Variants in ABTB2 observed in about 807,000 individuals in gnomAD.
ABTB2 encodes the protein ankyrin repeat and BTB/POZ domain-containing protein 2.
Under a neutral mutation model 104.1 loss-of-function variants are expected in ABTB2, and 56 were observed. The ratio of observed to expected loss-of-function variants is 0.54; its 90% confidence interval spans 0.43 to 0.67. The LOEUF is 0.67. Among genes scored for constraint, ABTB2 ranks in the 30% least tolerant of loss-of-function variants. ABTB2 has a pLI of 0.00. For synonymous variants in ABTB2, 606 were observed against 608.2 expected, an observed-to-expected ratio of 1.00 and a Z score of 0.05; for missense variants, 1,279 against 1,407.7, an observed-to-expected ratio of 0.91 and a Z score of 1.46.
chr11:34,167,326 T>C lies in ABTB2; in HGVS notation c.1688A>G (p.His563Arg). The change falls in exon 7 of 17, where the codon CAC (histidine) becomes CGC (arginine). Residue 563 changes from histidine (H) to arginine (R), a missense_variant. Physicochemically the swap from His to Arg is conservative, Grantham distance 29 (BLOSUM62 0). Coordinates refer to ENST00000435224, the MANE Select transcript of ABTB2 (RefSeq NM_145804.3). ...TGAGGTCCAGTGCCGGCTGTCGGGG[T>C]GGATGGAAGGGTGCCTGGGGGAGTT... is the stretch of plus-strand genomic sequence containing the variant. Reference protein sequence around the residue: ...PSNSPRHPSIHPDSRHWTSLT... With the variant: ...PSNSPRHPSIRPDSRHWTSLT... 6.2e-7 allele frequency: 1 copy of C among 1,611,854 alleles called. No homozygotes were observed. Among genetic ancestry groups the C allele is most frequent in the Non-Finnish European group, 8.5e-7 (1 of 1,179,202 alleles).
chr11:34,287,636 A>C (rs1361647344), intron 1 of ABTB2, among the ~76,000 whole-genome samples: 1 of 152,216 alleles, frequency 6.6e-6, no homozygotes, highest in Non-Finnish European at 1.5e-5. Flanking sequence ...CTACTTCTTC[A>C]GAAATCTTCC....
At chr11:34,291,258 T>G (rs573217835) in intron 1 of ABTB2, among the ~76,000 whole-genome samples, 2 of 152,224 alleles carry the variant, frequency 1.3e-5, no homozygotes, top group Non-Finnish European at 2.9e-5. Context: ...TTTGATGTCT[T>G]CATCCCAAGT....
At chr11:34,231,258 G>C (rs1427840150) in intron 1 of ABTB2, among the ~76,000 whole-genome samples, 2 of 152,126 alleles carry the variant, frequency 1.3e-5, no homozygotes, top group Admixed American at 1.3e-4. Context: ...ATGACCCAAA[G>C]TATAAAATAA....
chr11:34,296,468 A>G (rs895593697), intron 1 of ABTB2, among the ~76,000 whole-genome samples: 2 of 152,232 alleles, frequency 1.3e-5, no homozygotes, highest in South Asian at 4.1e-4. Context: ...TGATGCAGTT[A>G]CTGGTCATAA....
At chr11:34,272,667 A>T (rs888417446) in intron 1 of ABTB2, among the ~76,000 whole-genome samples, 1 of 141,192 alleles carries the variant, frequency 7.1e-6, no homozygotes, top group Non-Finnish European at 1.5e-5. Flanking sequence ...AGACCACACC[A>T]CTGCACTCCA....
Position 34,154,307 on chromosome 11 carries a change from G to T in ABTB2, c.2838C>A (p.Thr946=). 6.2e-7 allele frequency: 1 copy of T among 1,614,090 alleles called. No homozygotes were observed. Among genetic ancestry groups the T allele is most frequent in the Non-Finnish European group, 8.5e-7 (1 of 1,180,006 alleles). Reference sequence around the variant, plus strand: ...TGTTCACGGCACTCTCCATGCTGAGGGTCTGGGAGCACAGGATCTCGCAGT... The same window carrying T: ...TGTTCACGGCACTCTCCATGCTGAGTGTCTGGGAGCACAGGATCTCGCAGT... The part of the protein sequence containing the change: ...QRHCEILCSQ[T]LSMESAVNTY... Residue 946 remains threonine (T), a synonymous_variant, in exon 16 of 17, where the codon ACC becomes ACA. Coordinates refer to ENST00000435224, the MANE Select transcript of ABTB2 (RefSeq NM_145804.3). The surrounding 1 kb of genome is among the most constrained non-coding windows in gnomAD (Gnocchi z 4.9).
In ABTB2 at chr11:34,291,170, C is replaced by A. The variant is rs563894134; in HGVS notation, c.883+65531G>T. On this transcript the variant is annotated intron_variant, in intron 1 of 16. Transcript: ENST00000435224. ...CCACAGCAATCCCCAAGGAAACTGGCTAAGTATTCATAACAGCCTGATAAC... is the reference window on the plus strand; with the variant it reads ...CCACAGCAATCCCCAAGGAAACTGGATAAGTATTCATAACAGCCTGATAAC... 5.9e-5 allele frequency among the ~76,000 whole-genome samples: 9 copies of A among 152,332 alleles called. No homozygotes were observed. In the East Asian group the frequency reaches 1.4e-3, roughly 23 times the overall value.
At position 34,357,398 on chromosome 11, in the gene ABTB2, G is replaced by A; in HGVS notation, c.186C>T (p.Asn62=). ...CCGTGTCCCAGCTGTTGTGGCGGCT[G>A]TTCATGGAGCCGGAGTAGCACCACC... ...AAWWCYSGSM[N]SRHNSWDTVN... The change falls in exon 1 of 17, where the codon AAC becomes AAT. Residue 62 remains asparagine (N), a synonymous_variant. Coordinates refer to ENST00000435224, the MANE Select transcript of ABTB2 (RefSeq NM_145804.3). 1.4e-5 allele frequency: 22 copies of A among 1,546,392 alleles called. No individual in the cohort carries two copies. Among genetic ancestry groups the A allele is most frequent in the Non-Finnish European group, 1.8e-5 (21 of 1,144,338 alleles).
intron 1 of ABTB2, among the ~76,000 whole-genome samples, chr11:34,220,779 A>G (rs977248856): frequency 1.2e-4 from 18 of 152,216 alleles, no homozygotes; most frequent in African/African-American, 4.1e-4. Context: ...TAGGGCTGCC[A>G]TAACAAAATA....
At chr11:34,208,970 A>G (rs289985) in intron 1 of ABTB2, among the ~76,000 whole-genome samples, 128,832 of 152,014 alleles carry the variant, frequency 0.85, 54,684 homozygotes, top group East Asian at 1. Flanking sequence ...ACCTTGCTCC[A>G]GCTTTGTACT....
At chr11:34,266,290 G>A (rs1431617067) in intron 1 of ABTB2, among the ~76,000 whole-genome samples, 1 of 151,994 alleles carries the variant, frequency 6.6e-6, no homozygotes, top group Non-Finnish European at 1.5e-5. Flanking sequence ...TCACTATATT[G>A]CCCAGTCTGG....
chr11:34,151,477 A>G lies in ABTB2; in HGVS notation c.*910T>C, dbSNP rs1407323214. On this transcript the variant is annotated 3_prime_UTR_variant, in exon 17 of 17. Transcript: ENST00000435224. Reference sequence around the variant, plus strand: ...ACCTGTTTGCCCAGCTCTCAATCCTACATTAAAGGAGCCGAGAGACTTGAC... The same window carrying G: ...ACCTGTTTGCCCAGCTCTCAATCCTGCATTAAAGGAGCCGAGAGACTTGAC... 2 of 152,172 alleles carry G rather than the reference A, an allele frequency of 1.3e-5. No homozygotes were observed. Among genetic ancestry groups the G allele is most frequent in the East Asian group, 3.9e-4 (2 of 5,192 alleles). The allele number at this position is 152,172 out of a possible 1,614,324, so 9.4% of individuals were successfully genotyped here.
chr11:34,315,660 G>A (rs1194998217), intron 1 of ABTB2, among the ~76,000 whole-genome samples: 2 of 152,210 alleles, frequency 1.3e-5, no homozygotes, highest in Non-Finnish European at 2.9e-5. Flanking sequence ...ACATGGGCAG[G>A]GAGAGAAGGG....
chr11:34,248,859 G>A (rs1031456848), intron 1 of ABTB2, among the ~76,000 whole-genome samples: 2 of 152,226 alleles, frequency 1.3e-5, no homozygotes, highest in African/African-American at 4.8e-5. Flanking sequence ...AGCCGGGCGC[G>A]GTGGCTCACG....
intron 1 of ABTB2, among the ~76,000 whole-genome samples, chr11:34,216,875 G>A (rs1269641322): frequency 3.3e-5 from 5 of 152,210 alleles, no homozygotes; most frequent in African/African-American, 1.2e-4. Context: ...AACAGGTCCC[G>A]GGCAGAAGCA....
At chr11:34,161,108 G>A in intron 10 of ABTB2, 27 bp from the exon 11 acceptor site, 1 of 1,582,918 alleles carries the variant, frequency 6.3e-7, no homozygotes, top group Non-Finnish European at 8.6e-7. Context: ...AGGGCAGGCA[G>A]TCACGCACCA....
At chr11:34,194,840 A>G (rs1228320185) in intron 3 of ABTB2, among the ~76,000 whole-genome samples, 2 of 150,938 alleles carry the variant, frequency 1.3e-5, no homozygotes, top group South Asian at 4.2e-4. Flanking sequence ...ATTTGAAATG[A>G]TTCATGGAAA....
At chr11:34,172,418 A>ATATATATATATATATATATG (rs55819950) in intron 4 of ABTB2, among the ~76,000 whole-genome samples, 4 of 84,230 alleles carry the variant, frequency 4.7e-5, no homozygotes, top group East Asian at 2.7e-4. Context: ...ATATATATAT[A>ATATATATATATATATATATG]TGTGTGTGTG....
intron 1 of ABTB2, among the ~76,000 whole-genome samples, chr11:34,227,861 A>C (rs1173423618): frequency 6.7e-6 from 1 of 148,876 alleles, no homozygotes; most frequent in East Asian, 2.0e-4. Context: ...CAGCCACCTG[A>C]GTATCTGGGA....
Sources: allele counts gnomAD v4.1 joint callset (sites outside exome capture counted in the v4.1 genomes callset), GRCh38; gene constraint gnomAD v4.1.1; non-coding constraint Gnocchi (gnomAD v3.1); transcripts MANE v1.5; gene names NCBI Gene and HGNC (gene_info 2026-07-23, HGNC 2026-07-21).